Variants in EFTUD2 observed in about 807,000 individuals in gnomAD.
EFTUD2 encodes the protein 116 kDa U5 small nuclear ribonucleoprotein component.
EFTUD2 carries 9 observed loss-of-function variants against 114.3 expected under a neutral mutation model. The observed-to-expected ratio is 0.08, with a 90% CI of 0.05 to 0.14. The LOEUF is 0.14. Ranked by LOEUF, EFTUD2 falls within the 10% of genes least tolerant of loss-of-function variation. EFTUD2 has a pLI of 1.00. For missense variants in EFTUD2, 765 were observed against 1,241.2 expected, an observed-to-expected ratio of 0.62 and a Z score of 5.76; for synonymous variants, 449 against 462.3, an observed-to-expected ratio of 0.97 and a Z score of 0.37.
Position 44,869,424 on chromosome 17 carries a change from G to A in EFTUD2, c.995-1074C>T, listed in dbSNP as rs559909638. ...TGCAATCCCCCCACCTCTGCCTCCCGAGTAGCTGGGACTACAGGTGTGCGC... is the reference window on the plus strand; with the variant it reads ...TGCAATCCCCCCACCTCTGCCTCCCAAGTAGCTGGGACTACAGGTGTGCGC... On this transcript the variant is annotated intron_variant, in intron 11 of 27. Transcript: ENST00000426333. 1.6e-4 allele frequency among the ~76,000 whole-genome samples: 24 copies of A among 152,110 alleles called. No individual in the cohort carries two copies. The South Asian group carries it at 2.7e-3, about 17-fold the overall frequency.
intron 11 of EFTUD2, among the ~76,000 whole-genome samples, chr17:44,872,203 C>T (rs1331755375): frequency 6.6e-6 from 1 of 152,192 alleles, no homozygotes; most frequent in Non-Finnish European, 1.5e-5. Context: ...GACTTTTATT[C>T]CTAAAATGAC....
intron 9 of EFTUD2, 103 bp from the exon 10 acceptor site, chr17:44,876,203 G>C: frequency 7.5e-7 from 1 of 1,340,624 alleles, no homozygotes; most frequent in East Asian, 2.4e-5. Flanking sequence ...AGCCTGGGGA[G>C]AAAAAAAGAC....
intron 6 of EFTUD2, 87 bp from the exon 7 acceptor site, chr17:44,881,809 C>G: frequency 1.6e-6 from 2 of 1,267,090 alleles, no homozygotes; most frequent in Non-Finnish European, 2.3e-6. Flanking sequence ...CACTACCTCC[C>G]AGCTCAAGGG....
chr17:44,866,564 A>C (rs1175972208), intron 13 of EFTUD2, among the ~76,000 whole-genome samples: 1 of 152,024 alleles, frequency 6.6e-6, no homozygotes, highest in East Asian at 1.9e-4. Flanking sequence ...TTTTTAGTAG[A>C]AATGGGGTCT....
chr17:44,865,387 C>T lies in EFTUD2; in HGVS notation c.1150-322G>A, dbSNP rs1867287. ...CTCAGAAACTCCCTCACCTATTAAA[C>T]AGAAGTCTATTTACAGACTTCTCAG... On this transcript the variant is annotated intron_variant, in intron 13 of 27. Transcript: ENST00000426333. 148,138 of 227,938 alleles carry T rather than the reference C, an allele frequency of 0.65. 49,421 individuals carry two copies. Among genetic ancestry groups the T allele is most frequent in the African/African-American group, 0.82 (35,660 of 43,522 alleles). 14.1% of individuals were successfully genotyped at this position (227,938 alleles called of 1,614,324 possible).
intron 12 of EFTUD2, 63 bp downstream of exon 12, chr17:44,868,224 C>T: frequency 8.6e-6 from 12 of 1,394,440 alleles, no homozygotes; most frequent in Non-Finnish European, 1.1e-5. Flanking sequence ...GAGAATTTCA[C>T]TGTCCTCACT....
chr17:44,899,019 G>C (rs2051457801), intron 1 of EFTUD2: 1 of 152,218 alleles, frequency 6.6e-6, no homozygotes, highest in African/African-American at 2.4e-5. Context: ...AGAGGACTTC[G>C]GAGGGAACTT....
At chr17:44,856,086 G>T (rs1400370681) in intron 20 of EFTUD2, among the ~76,000 whole-genome samples, 2 of 135,528 alleles carry the variant, frequency 1.5e-5, no homozygotes, top group Non-Finnish European at 3.1e-5. Flanking sequence ...ACCCATGGTG[G>T]CACCACTGTA....
At chr17:44,853,037 C>T (rs549897626) in intron 25 of EFTUD2, among the ~76,000 whole-genome samples, 26 of 152,262 alleles carry the variant, frequency 1.7e-4, no homozygotes, top group East Asian at 9.7e-4. Context: ...CCCGCCACCA[C>T]GCCCAGCTAA....
chr17:44,897,668 G>A (rs2051415274), intron 1 of EFTUD2, among the ~76,000 whole-genome samples: 2 of 152,126 alleles, frequency 1.3e-5, no homozygotes, highest in South Asian at 4.1e-4. Context: ...AGGTTCAAGC[G>A]ATTCTCCTGC....
intron 24 of EFTUD2, 33 bp from the exon 25 acceptor site, chr17:44,853,423 T>C (rs779068920): frequency 1.2e-6 from 2 of 1,613,714 alleles, no homozygotes; most frequent in South Asian, 2.2e-5. Context: ...GCCCCTCAGC[T>C]TGGGGAAGGC....
chr17:44,868,222 C>A, intron 12 of EFTUD2, 65 bp downstream of exon 12: 1 of 1,394,506 alleles, frequency 7.2e-7, no homozygotes, highest in Non-Finnish European at 9.8e-7. Flanking sequence ...CAGAGAATTT[C>A]ACTGTCCTCA....
intron 2 of EFTUD2, among the ~76,000 whole-genome samples, chr17:44,893,415 C>T (rs901432557): frequency 4.6e-5 from 7 of 152,200 alleles, no homozygotes; most frequent in Non-Finnish European, 1.0e-4. Flanking sequence ...GCCACCACGC[C>T]CGGGCCCTTT....
intron 17 of EFTUD2, 162 bp downstream of exon 17, chr17:44,860,270 A>C: frequency 1.3e-6 from 1 of 743,558 alleles, no homozygotes; most frequent in South Asian, 1.8e-5. Context: ...AATTCCTCGC[A>C]TCTGAACTGA....
intron 8 of EFTUD2, 21 bp from the exon 9 acceptor site, chr17:44,879,659 A>G: frequency 1.2e-6 from 2 of 1,610,320 alleles, no homozygotes; most frequent in Non-Finnish European, 8.5e-7. Flanking sequence ...AATACTAAGT[A>G]AGTCATCACT....
intron 2 of EFTUD2, among the ~76,000 whole-genome samples, chr17:44,890,859 G>A (rs1039331442): frequency 6.6e-6 from 1 of 152,162 alleles, no homozygotes; most frequent in African/African-American, 2.4e-5. Context: ...TATGTAGATA[G>A]AGATATAATA....
chr17:44,891,068 G>T (rs2051270045), intron 2 of EFTUD2, among the ~76,000 whole-genome samples: 1 of 152,172 alleles, frequency 6.6e-6, no homozygotes, highest in Non-Finnish European at 1.5e-5. Context: ...CCACAGACTA[G>T]ATGTACACAC....
At position 44,867,943 on chromosome 17, in the gene EFTUD2, A is replaced by G. The variant is rs1198053720; in HGVS notation, c.1059-46T>C. On this transcript the variant is annotated intron_variant, in intron 12 of 27. Transcript: ENST00000426333. The stretch of plus-strand genomic sequence containing the variant: ...TGAGTGACCCAGGGGAAAAGGCACT[A>G]TCACTGATCCCAAGAGGCATTGTCT... The G allele has an allele frequency of 3.3e-6, 5 of 1,509,350 alleles. No individual in the cohort carries two copies. The East Asian group carries it at 1.2e-4, about 36-fold the overall frequency. 93.5% of individuals were successfully genotyped at this position (1,509,350 alleles called of 1,614,324 possible).
chr17:44,884,182 C>G (rs1227278359), intron 4 of EFTUD2: 1 of 156,416 alleles, frequency 6.4e-6, no homozygotes, highest in Non-Finnish European at 1.4e-5. Context: ...GCCACCACGA[C>G]CAGCTAATTT....
Sources: gnomAD v4.1 joint callset for allele counts (sites outside exome capture counted in the v4.1 genomes callset) on GRCh38, gnomAD v4.1.1 for gene constraint, MANE v1.5 for transcripts, NCBI Gene and HGNC (gene_info 2026-07-23, HGNC 2026-07-21) for gene names.